KSR2: variants seen among roughly 807,000 people sequenced by gnomAD.
KSR2 encodes the protein kinase suppressor of ras 2.
KSR2 carries 25 observed loss-of-function variants against 107.8 expected under a neutral mutation model. The ratio of observed to expected loss-of-function variants is 0.23; its 90% confidence interval spans 0.17 to 0.32. KSR2 has a LOEUF of 0.32. KSR2 is among the 10% of genes least tolerant of loss of function. The pLI, the probability that KSR2 is intolerant of heterozygous loss-of-function variation, is 1.00. For synonymous variants in KSR2, 480 were observed against 507.0 expected (o/e 0.95, Z 0.71); for missense variants, 887 against 1,268.9 (o/e 0.70, Z 4.57).
intron 3 of KSR2, among the ~76,000 whole-genome samples, chr12:117,768,442 G>T (rs1419889042): frequency 6.6e-6 from 1 of 152,180 alleles, no homozygotes; most frequent in Non-Finnish European, 1.5e-5. Context: ...CTATATACCT[G>T]CCACTCCTGT....
chr12:117,828,872 G>A (rs1891852179), intron 3 of KSR2, among the ~76,000 whole-genome samples: 1 of 152,192 alleles, frequency 6.6e-6, no homozygotes, highest in Admixed American at 6.5e-5. Flanking sequence ...CCATGCCTTG[G>A]AGAAGTCTAG....
intron 1 of KSR2, among the ~76,000 whole-genome samples, chr12:117,872,390 C>T (rs1050065985): frequency 4.6e-5 from 7 of 152,010 alleles, no homozygotes; most frequent in Non-Finnish European, 8.8e-5. Context: ...ATAGCAAGAC[C>T]CCCATCTCCA....
intron 14 of KSR2, among the ~76,000 whole-genome samples, chr12:117,505,359 G>A (rs2133682): frequency 0.32 from 48,208 of 152,040 alleles, 8,834 homozygotes; most frequent in South Asian, 0.53. Flanking sequence ...GGCAGCACAT[G>A]GTGGATGTCG....
At chr12:117,638,135 T>C (rs1478952272) in intron 5 of KSR2, among the ~76,000 whole-genome samples, 1 of 149,816 alleles carries the variant, frequency 6.7e-6, no homozygotes, top group Non-Finnish European at 1.5e-5. Flanking sequence ...ATACTTAACA[T>C]TTTTGCCTAA....
At chr12:117,811,112 G>A (rs1039635192) in intron 3 of KSR2, among the ~76,000 whole-genome samples, 1 of 152,070 alleles carries the variant, frequency 6.6e-6, no homozygotes, top group Non-Finnish European at 1.5e-5. Flanking sequence ...GCCCGTACTT[G>A]GAGGGCAGGC....
At chr12:117,805,939 G>A (rs1346761471) in intron 3 of KSR2, among the ~76,000 whole-genome samples, 1 of 152,092 alleles carries the variant, frequency 6.6e-6, no homozygotes, top group Non-Finnish European at 1.5e-5. Context: ...CCAAGATTGT[G>A]CCACTGCACT....
intron 7 of KSR2, among the ~76,000 whole-genome samples, chr12:117,561,852 A>G (rs986462672): frequency 2.0e-5 from 3 of 152,198 alleles, no homozygotes; most frequent in Non-Finnish European, 4.4e-5. Context: ...ATGATGCTTC[A>G]AAGCCCTGAT....
chr12:117,858,947 T>C (rs1566053856), intron 2 of KSR2, among the ~76,000 whole-genome samples: 2 of 152,158 alleles, frequency 1.3e-5, no homozygotes, highest in African/African-American at 4.8e-5. Flanking sequence ...GCTGGTTTTA[T>C]TAGGTTTGGC....
At chr12:117,664,151 C>T (rs1228813520) in intron 5 of KSR2, among the ~76,000 whole-genome samples, 5 of 152,206 alleles carry the variant, frequency 3.3e-5, no homozygotes, top group Non-Finnish European at 7.3e-5. Flanking sequence ...CCCTCCCTCC[C>T]TTTCCCCACT....
At position 117,461,991 on chromosome 12, in the gene KSR2, G is replaced by C. The variant is rs1870919128; in HGVS notation, c.*5208C>G. Reference sequence around the variant, plus strand: ...AGGGGTCAAGTGACAGTCCGCTACAGACAAGCCACTTACACACAGGCTGTT... The same window carrying C: ...AGGGGTCAAGTGACAGTCCGCTACACACAAGCCACTTACACACAGGCTGTT... On this transcript the variant is annotated 3_prime_UTR_variant, in exon 20 of 20. Transcript: ENST00000339824. The C allele has an allele frequency of 6.6e-6, 1 of 152,190 alleles. No individual in the cohort carries two copies. The highest frequency in any genetic ancestry group is 6.5e-5 in the Admixed American group (1 of 15,276). The allele number at this position is 152,190 out of a possible 1,614,324, so 9.4% of individuals were successfully genotyped here.
intron 1 of KSR2, among the ~76,000 whole-genome samples, chr12:117,863,264 C>A (rs1216630014): frequency 6.6e-6 from 1 of 152,174 alleles, no homozygotes; most frequent in Non-Finnish European, 1.5e-5. Flanking sequence ...GCACTCAAGA[C>A]ATAGCCATAG....
chr12:117,782,463 C>A (rs904131169), intron 3 of KSR2, among the ~76,000 whole-genome samples: 17 of 152,122 alleles, frequency 1.1e-4, no homozygotes, highest in African/African-American at 4.1e-4. Context: ...CAGGGTTTTG[C>A]CATGTTGCTC....
chr12:117,946,751 TATATTCAAATAATATACC>T (rs1298125870), intron 1 of KSR2, among the ~76,000 whole-genome samples: 1 of 152,126 alleles, frequency 6.6e-6, no homozygotes, highest in African/African-American at 2.4e-5. Context: ...AATCTAACAG[TATATTCAAATAATATACC>T]ATAACCAAGT....
chr12:117,573,479 T>G (rs816202), intron 7 of KSR2, among the ~76,000 whole-genome samples: 125,897 of 150,464 alleles, frequency 0.84, 52,987 homozygotes, highest in Middle Eastern at 0.89. Context: ...AGGGTTCAAA[T>G]ATAGGCGTGT....
chr12:117,823,718 G>A (rs527602976), intron 3 of KSR2, among the ~76,000 whole-genome samples: 2 of 152,352 alleles, frequency 1.3e-5, no homozygotes, highest in South Asian at 4.2e-4. Flanking sequence ...GAAGTGGTCA[G>A]TGGTCTCCTT....
At chr12:117,801,822 G>T (rs1284790028) in intron 3 of KSR2, among the ~76,000 whole-genome samples, 1 of 107,376 alleles carries the variant, frequency 9.3e-6, no homozygotes, top group African/African-American at 5.7e-5. Context: ...GAGGTCCAGG[G>T]AAGCAGGAAG....
intron 14 of KSR2, among the ~76,000 whole-genome samples, chr12:117,509,046 G>A (rs1873877052): frequency 6.6e-6 from 1 of 151,940 alleles, no homozygotes; most frequent in African/African-American, 2.4e-5. Context: ...GATATAAGAT[G>A]GTTGAATTGA....
chr12:117,877,233 A>T (rs1360843854), intron 1 of KSR2, among the ~76,000 whole-genome samples: 1 of 152,056 alleles, frequency 6.6e-6, no homozygotes, highest in Non-Finnish European at 1.5e-5. Context: ...GCTACTTGGG[A>T]GATTGAGGCA....
At chr12:117,727,583 G>GGC (rs1459990980) in intron 4 of KSR2, among the ~76,000 whole-genome samples, 1 of 151,802 alleles carries the variant, frequency 6.6e-6, no homozygotes, top group African/African-American at 2.4e-5. Flanking sequence ...GTGTAGCAGA[G>GGC]TTTAGAATCA....
Sources: allele counts gnomAD v4.1 joint callset (sites outside exome capture counted in the v4.1 genomes callset), GRCh38; gene constraint gnomAD v4.1.1; transcripts MANE v1.5; gene names NCBI Gene and HGNC (gene_info 2026-07-23, HGNC 2026-07-21).